Variants in CHAMP1 observed in about 807,000 individuals in gnomAD.
The protein encoded by CHAMP1 is chromosome alignment-maintaining phosphoprotein 1.
Under a neutral mutation model 54.5 loss-of-function variants are expected in CHAMP1, and 4 were observed. The ratio of observed to expected loss-of-function variants is 0.07; its 90% CI spans 0.04 to 0.17. The LOEUF (loss-of-function observed/expected upper bound fraction) is 0.17, where lower values mean the gene tolerates loss of function less well. Among genes scored for constraint, CHAMP1 ranks in the 10% least tolerant of loss-of-function variants. The probability of loss-of-function intolerance (pLI) is 1.00; values close to 1 mark genes in which losing one functional copy is unlikely to be tolerated. For missense variants in CHAMP1, 994 were observed against 968.6 expected (o/e 1.03, Z -0.35); for synonymous variants, 368 against 342.2 (o/e 1.08, Z -0.83).
rs1260281129 is a variant in CHAMP1 at position 114,314,566 on chromosome 13, T to A, written c.-256T>A. ...CGGGAGGCCGCTGCGCTGCAGGGCC[T>A]CGCGGAGCCGCCCGCGACCGCGAGC... On this transcript the variant is annotated 5_prime_UTR_variant, in exon 1 of 3. Coordinates refer to ENST00000361283, the MANE Select transcript of CHAMP1 (RefSeq NM_032436.4). The A allele has an allele frequency of 2.0e-5, 3 of 151,652 alleles. No homozygotes were observed. The highest frequency in any genetic ancestry group is 4.4e-5 in the Non-Finnish European group (3 of 67,838). The allele number at this position is 151,652 out of a possible 1,614,324, so 9.4% of individuals were successfully genotyped here.
At position 114,324,557 on chromosome 13, in the gene CHAMP1, C is replaced by A. The variant is rs781942855; in HGVS notation, c.715C>A (p.Pro239Thr). 48 of 1,614,014 alleles carry A rather than the reference C, an allele frequency of 3.0e-5. No individual in the cohort carries two copies. The highest frequency in any genetic ancestry group is 3.9e-5 in the Non-Finnish European group (46 of 1,180,020). ...KQSHFPETLG[P>T]PSASSPESPV... ...GTCTCATTTCCCGGAAACATTGGGGCCACCTTCAGCCTCATCTCCAGAGTC... is the reference window on the plus strand; with the variant it reads ...GTCTCATTTCCCGGAAACATTGGGGACACCTTCAGCCTCATCTCCAGAGTC... Residue 239 changes from proline to threonine, a missense_variant, in exon 3 of 3, where the codon CCA (proline) becomes ACA (threonine). Pro to Thr is a conservative substitution (Grantham distance 38). This residue lies in a region of CHAMP1 where 851 missense variants were observed against 701.3 expected (regional missense o/e 1.21). Coordinates refer to ENST00000361283, the MANE Select transcript of CHAMP1 (RefSeq NM_032436.4).
chr13:114,325,516 C>T lies in CHAMP1; in HGVS notation c.1674C>T (p.Ala558=). 4 of 1,614,140 alleles carry T rather than the reference C, an allele frequency of 2.5e-6. No individual in the cohort carries two copies. The highest frequency in any genetic ancestry group is 8.5e-7 in the Non-Finnish European group (1 of 1,180,034). Residue 558 remains alanine, a synonymous_variant, in exon 3 of 3, where the codon GCC becomes GCT. Transcript: ENST00000361283. The stretch of plus-strand genomic sequence containing the variant: ...TTTTTCCAGAGCCCCGGAAGCATGC[C>T]CTTTTCCCTGAACTCCCCAAATCTG... ...RALFPEPRKH[A]LFPELPKSAL...
chr13:114,314,933 C>T (rs2087076779), intron 1 of CHAMP1, among the ~76,000 whole-genome samples: 1 of 152,184 alleles, frequency 6.6e-6, no homozygotes, highest in Non-Finnish European at 1.5e-5. Context: ...AGACGAAAGC[C>T]ATTCTTTCTG....
intron 2 of CHAMP1, chr13:114,322,718 T>TA (rs1348052843): frequency 5.3e-5 from 8 of 152,236 alleles, no homozygotes; most frequent in Admixed American, 2.0e-4. Flanking sequence ...ATTCCATATG[T>TA]AAAAATGTCT....
chr13:114,321,929 A>G (rs1240880136), intron 2 of CHAMP1: 2 of 152,168 alleles, frequency 1.3e-5, no homozygotes, highest in Non-Finnish European at 2.9e-5. Flanking sequence ...TTAGCTTTAG[A>G]TCAAAAAATA....
In CHAMP1 at chr13:114,326,529, A is replaced by G. The variant is rs112924483; in HGVS notation, c.*248A>G. 1 of 356,244 alleles carries G rather than the reference A, an allele frequency of 2.8e-6. No individual in the cohort carries two copies. The highest frequency in any genetic ancestry group is 5.2e-6 in the Non-Finnish European group (1 of 191,260). 22.1% of individuals were successfully genotyped at this position (356,244 alleles called of 1,614,324 possible). ...ATTAAACTTCTCATTTCTTTTAAAT[A>G]TGTATGAATAATAATACAAGGAAGT... is the stretch of plus-strand genomic sequence containing the variant. On this transcript the variant is annotated 3_prime_UTR_variant, in exon 3 of 3. Coordinates refer to ENST00000361283, the MANE Select transcript of CHAMP1 (RefSeq NM_032436.4).
chr13:114,318,718 A>G (rs1046380558), intron 1 of CHAMP1, among the ~76,000 whole-genome samples: 2 of 151,000 alleles, frequency 1.3e-5, no homozygotes, highest in Non-Finnish European at 3.0e-5. Context: ...TTAAGCCACA[A>G]TTCTTTTCCT....
Position 114,325,880 on chromosome 13 carries a change from A to G in CHAMP1, c.2038A>G (p.Arg680Gly), listed in dbSNP as rs1555379947. The change falls in exon 3 of 3, where the codon AGA (arginine) becomes GGA (glycine). Residue 680 changes from arginine (R) to glycine (G), a missense_variant. By Grantham distance (125) the Arg-to-Gly change is moderately radical. Coordinates refer to ENST00000361283, the MANE Select transcript of CHAMP1 (RefSeq NM_032436.4). ...GGACATGACTAGTCCAGAGCAGTCT[A>G]GAAATGTGCTACAGTTTACTGAAGA... ...KMDMTSPEQS[R>G]NVLQFTEEKE... 5 of 1,614,156 alleles carry G rather than the reference A, an allele frequency of 3.1e-6. No individual in the cohort carries two copies. Among genetic ancestry groups the G allele is most frequent in the Non-Finnish European group, 3.4e-6 (4 of 1,180,014 alleles).
rs555031787 is a variant in CHAMP1 at position 114,324,648 on chromosome 13, A to C, written c.806A>C (p.Lys269Thr). 1 of 1,614,108 alleles carries C rather than the reference A, an allele frequency of 6.2e-7. No individual in the cohort carries two copies. Among genetic ancestry groups the C allele is most frequent in the African/African-American group, 1.3e-5 (1 of 75,028 alleles). The change falls in exon 3 of 3, where the codon AAG (lysine) becomes ACG (threonine). Residue 269 changes from lysine to threonine, a missense_variant. Physicochemically the swap from Lys to Thr is moderately conservative, Grantham distance 78. Transcript: ENST00000361283. ...PSPAASPESR[K>T]SARTTSPEPR... ...CCAGCTGCATCTCCAGAATCTCGGAAGTCAGCCCGGACTACCTCCCCTGAG... is the reference window on the plus strand; with the variant it reads ...CCAGCTGCATCTCCAGAATCTCGGACGTCAGCCCGGACTACCTCCCCTGAG...
Position 114,325,405 on chromosome 13 carries a change from C to G in CHAMP1, c.1563C>G (p.Ile521Met), listed in dbSNP as rs782707635. 6.2e-7 allele frequency: 1 copy of G among 1,614,098 alleles called. No homozygotes were observed. Among genetic ancestry groups the G allele is most frequent in the Non-Finnish European group, 8.5e-7 (1 of 1,180,026 alleles). ...ASDIWKPVLSIDTEPRKPALF... is the reference protein window; with the variant it reads ...ASDIWKPVLSMDTEPRKPALF... ...ATATCTGGAAGCCTGTTCTCTCTATCGATACTGAGCCTAGAAAACCTGCCC... is the reference window on the plus strand; with the variant it reads ...ATATCTGGAAGCCTGTTCTCTCTATGGATACTGAGCCTAGAAAACCTGCCC... The change falls in exon 3 of 3, where the codon ATC (isoleucine) becomes ATG (methionine). Residue 521 changes from isoleucine (I) to methionine (M), a missense_variant. Transcript: ENST00000361283.
intron 1 of CHAMP1, among the ~76,000 whole-genome samples, chr13:114,319,138 C>T (rs2087138521): frequency 6.6e-6 from 1 of 151,972 alleles, no homozygotes. Flanking sequence ...TACAAAGAAC[C>T]TGGACAGATA....
intron 1 of CHAMP1, among the ~76,000 whole-genome samples, chr13:114,318,354 A>T (rs990127619): frequency 1.4e-5 from 2 of 147,842 alleles, no homozygotes; most frequent in South Asian, 4.2e-4. Context: ...ACAGGGTCTC[A>T]CTCTGTCATC....
intron 1 of CHAMP1, among the ~76,000 whole-genome samples, chr13:114,315,835 G>GTTT (rs1194478086): frequency 6.9e-5 from 9 of 129,944 alleles, no homozygotes; most frequent in Non-Finnish European, 1.0e-4. Context: ...GGCAAGTTTT[G>GTTT]TTTTTTTTTT....
At chr13:114,321,901 C>T (rs1160119496) in intron 2 of CHAMP1, among the ~76,000 whole-genome samples, 2 of 152,036 alleles carry the variant, frequency 1.3e-5, no homozygotes, top group Non-Finnish European at 2.9e-5. Flanking sequence ...TTTGTTTCCT[C>T]AAGTATCTGT....
In CHAMP1 at chr13:114,325,895, T is replaced by A. The variant is rs782442773; in HGVS notation, c.2053T>A (p.Phe685Ile). The change falls in exon 3 of 3, where the codon TTT becomes ATT. Residue 685 changes from phenylalanine (F) to isoleucine (I), a missense_variant. Phe to Ile is a conservative substitution (Grantham distance 21). Transcript: ENST00000361283. ...SPEQSRNVLQ[F>I]TEEKEAFISE... ...AGAGCAGTCTAGAAATGTGCTACAG[T>A]TTACTGAAGAAAAAGAAGCTTTTAT... 1.5e-5 allele frequency: 25 copies of A among 1,613,730 alleles called. No homozygotes were observed. Among genetic ancestry groups the A allele is most frequent in the Non-Finnish European group, 2.1e-5 (25 of 1,179,954 alleles).
chr13:114,319,610 C>T (rs553868886), intron 1 of CHAMP1, among the ~76,000 whole-genome samples: 7 of 152,100 alleles, frequency 4.6e-5, no homozygotes, highest in East Asian at 1.9e-4. Context: ...TAAAAAAGAG[C>T]GTTTACAGAA....
intron 1 of CHAMP1, among the ~76,000 whole-genome samples, chr13:114,316,457 G>A (rs1300070061): frequency 6.6e-6 from 1 of 151,502 alleles, no homozygotes; most frequent in Non-Finnish European, 1.5e-5. Context: ...GCCTGTGGTG[G>A]CGCGCGCCTG....
intron 2 of CHAMP1, chr13:114,322,755 G>A (rs1405465610): frequency 6.6e-6 from 1 of 152,200 alleles, no homozygotes; most frequent in Non-Finnish European, 1.5e-5. Flanking sequence ...ATGAGAGTAA[G>A]TTGCCAGATA....
intron 1 of CHAMP1, among the ~76,000 whole-genome samples, chr13:114,320,780 C>T (rs2087156957): frequency 1.3e-5 from 2 of 152,014 alleles, no homozygotes; most frequent in African/African-American, 4.8e-5. Flanking sequence ...CACGGTGAAA[C>T]CCCGTCTCTA....
Sources: allele counts gnomAD v4.1 joint callset (sites outside exome capture counted in the v4.1 genomes callset), GRCh38; gene constraint gnomAD v4.1.1; regional missense constraint gnomAD v4.1.1; transcripts MANE v1.5; gene names NCBI Gene and HGNC (gene_info 2026-07-23, HGNC 2026-07-21).